The following WDR70 variants were observed in gnomAD, a reference collection of about 807,000 sequenced individuals.
The protein encoded by WDR70 is WD repeat-containing protein 70.
Under a neutral mutation model 88.6 loss-of-function variants are expected in WDR70, and 53 were observed. The ratio of observed to expected loss-of-function variants is 0.60; its 90% CI spans 0.48 to 0.75. The LOEUF is 0.75. WDR70 is among the 30% of genes least tolerant of loss of function. The probability of loss-of-function intolerance (pLI) is 0.00; values close to 1 mark genes in which losing one functional copy is unlikely to be tolerated. For synonymous variants in WDR70, 280 were observed against 270.0 expected (o/e 1.04, Z -0.36); for missense variants, 610 against 823.2 (o/e 0.74, Z 3.17).
At chr5:37,669,784 G>A (rs1002774151) in intron 10 of WDR70, among the ~76,000 whole-genome samples, 7 of 152,184 alleles carry the variant, frequency 4.6e-5, no homozygotes, top group African/African-American at 1.4e-4. Context: ...TCCATCAGCT[G>A]ATGAATGGAT....
chr5:37,725,597 T>A (rs185672200), intron 16 of WDR70, among the ~76,000 whole-genome samples: 1 of 152,310 alleles, frequency 6.6e-6, no homozygotes, highest in East Asian at 1.9e-4. Context: ...TTTCATTTTC[T>A]GTTATCATCT....
At chr5:37,540,095 A>T (rs1561894110) in intron 9 of WDR70, among the ~76,000 whole-genome samples, 1 of 152,194 alleles carries the variant, frequency 6.6e-6, no homozygotes, top group Non-Finnish European at 1.5e-5. Flanking sequence ...TCTTTTTGCC[A>T]TTTAAAATTT....
At chr5:37,559,701 TG>T (rs1369249228) in intron 9 of WDR70, among the ~76,000 whole-genome samples, 1 of 151,854 alleles carries the variant, frequency 6.6e-6, no homozygotes, top group Non-Finnish European at 1.5e-5. Context: ...AAAAATTAGC[TG>T]GGGGTGGTGG....
At chr5:37,398,110 CG>C (rs11294702) in intron 5 of WDR70, among the ~76,000 whole-genome samples, 138,093 of 142,048 alleles carry the variant, frequency 0.97, 67,222 homozygotes, top group East Asian at 1. Flanking sequence ...TTTTTTGAGA[CG>C]GGAGTCTCAC....
At chr5:37,385,327 C>G (rs892359881) in intron 3 of WDR70, among the ~76,000 whole-genome samples, 1 of 151,790 alleles carries the variant, frequency 6.6e-6, no homozygotes, top group Non-Finnish European at 1.5e-5. Context: ...TGAGATAAAC[C>G]TGGGCTAACA....
chr5:37,605,544 T>G (rs1744012138), intron 10 of WDR70, among the ~76,000 whole-genome samples: 1 of 152,186 alleles, frequency 6.6e-6, no homozygotes, highest in Admixed American at 6.5e-5. Flanking sequence ...TATTTGATTT[T>G]GAAAGTGAAG....
intron 10 of WDR70, among the ~76,000 whole-genome samples, chr5:37,688,769 G>A (rs763627699): frequency 2.9e-5 from 4 of 136,204 alleles, no homozygotes; most frequent in Non-Finnish European, 4.9e-5. Flanking sequence ...TGTGATCGAC[G>A]CAGAAGATAA....
chr5:37,445,755 A>C (rs1380179323), intron 7 of WDR70, among the ~76,000 whole-genome samples: 1 of 152,088 alleles, frequency 6.6e-6, no homozygotes, highest in Non-Finnish European at 1.5e-5. Flanking sequence ...CATGCTAAAA[A>C]CTCTCAATAA....
intron 5 of WDR70, among the ~76,000 whole-genome samples, chr5:37,406,650 A>G (rs1022557676): frequency 6.6e-6 from 1 of 152,250 alleles, no homozygotes; most frequent in Admixed American, 6.5e-5. Context: ...TCTGGTATTT[A>G]AAGTGTTCAG....
chr5:37,595,987 T>C (rs938639110), intron 9 of WDR70, among the ~76,000 whole-genome samples: 1 of 152,184 alleles, frequency 6.6e-6, no homozygotes, highest in Non-Finnish European at 1.5e-5. Flanking sequence ...TTTGAAGCTG[T>C]CAAATATTTA....
intron 13 of WDR70, among the ~76,000 whole-genome samples, chr5:37,716,174 G>C (rs1747649141): frequency 6.6e-6 from 1 of 152,194 alleles, no homozygotes; most frequent in Non-Finnish European, 1.5e-5. Context: ...GTATGGGTCA[G>C]CAGCTGTGGA....
At chr5:37,539,204 A>C (rs974362574) in intron 9 of WDR70, among the ~76,000 whole-genome samples, 3 of 152,170 alleles carry the variant, frequency 2.0e-5, no homozygotes, top group African/African-American at 7.2e-5. Context: ...TACTTCTGCC[A>C]CTTCTAATTT....
intron 10 of WDR70, among the ~76,000 whole-genome samples, chr5:37,662,679 G>A (rs969013108): frequency 6.6e-6 from 1 of 152,110 alleles, no homozygotes; most frequent in Admixed American, 6.5e-5. Context: ...TTTTTTGAAT[G>A]CCTGTAAATT....
chr5:37,549,127 C>T (rs1310113213), intron 9 of WDR70, among the ~76,000 whole-genome samples: 4 of 152,134 alleles, frequency 2.6e-5, no homozygotes, highest in Non-Finnish European at 4.4e-5. Flanking sequence ...TATTCTGAGT[C>T]TTTTGTGGTT....
At chr5:37,732,651 C>A (rs1292805773) in intron 17 of WDR70, among the ~76,000 whole-genome samples, 2 of 152,094 alleles carry the variant, frequency 1.3e-5, no homozygotes, top group Non-Finnish European at 2.9e-5. Context: ...CCTTAAAACC[C>A]TGTTTCTTGT....
intron 9 of WDR70, among the ~76,000 whole-genome samples, chr5:37,581,743 G>C (rs1743220916): frequency 6.6e-6 from 1 of 152,066 alleles, no homozygotes; most frequent in Non-Finnish European, 1.5e-5. Context: ...TAGGTACCTC[G>C]CAGACCCTTG....
intron 10 of WDR70, among the ~76,000 whole-genome samples, chr5:37,629,832 C>A (rs1452394837): frequency 6.6e-6 from 1 of 152,034 alleles, no homozygotes; most frequent in Non-Finnish European, 1.5e-5. Context: ...AAGTGACATG[C>A]TTCCTCGCTT....
intron 10 of WDR70, among the ~76,000 whole-genome samples, chr5:37,629,988 C>A (rs1409355388): frequency 6.6e-6 from 1 of 152,090 alleles, no homozygotes; most frequent in Non-Finnish European, 1.5e-5. Context: ...GGCTTTGGAT[C>A]TAGGTGGACA....
rs772766551 is a variant in WDR70 at position 37,605,237 on chromosome 5, C to T, written c.1091C>T (p.Thr364Ile). The T allele has an allele frequency of 1.3e-6, 2 of 1,591,344 alleles. No homozygotes were observed. Among genetic ancestry groups the T allele is most frequent in the Non-Finnish European group, 1.7e-6 (2 of 1,169,396 alleles). Reference sequence around the variant, plus strand: ...ATACAGATCTGGGACCGAAATTTGACTGTAAGTTAAATCTTTTCTTAGAAC... The same window carrying T: ...ATACAGATCTGGGACCGAAATTTGATTGTAAGTTAAATCTTTTCTTAGAAC... Reference protein sequence around the residue: ...GSIQIWDRNLTVHPKFHYKQA... With the variant: ...GSIQIWDRNLIVHPKFHYKQA... The change falls in exon 10 of 18, where the codon ACT (threonine) becomes ATT (isoleucine). Residue 364 changes from threonine to isoleucine, a missense_variant and splice_region_variant. Around this residue, in one of 4 missense-constraint regions of WDR70, gnomAD observed 254 missense variants for 300.7 expected, o/e 0.84. Coordinates refer to ENST00000265107, the MANE Select transcript of WDR70 (RefSeq NM_018034.4).
Sources: allele counts gnomAD v4.1 joint callset (sites outside exome capture counted in the v4.1 genomes callset), GRCh38; gene constraint gnomAD v4.1.1; regional missense constraint gnomAD v4.1.1; transcripts MANE v1.5; gene names NCBI Gene and HGNC (gene_info 2026-07-23, HGNC 2026-07-21).